The following ADGRL1 variants were observed in gnomAD, a reference collection of about 807,000 sequenced individuals.
The protein encoded by ADGRL1 is adhesion G protein-coupled receptor L1, also known as CIRL-1.
Under a neutral mutation model 148.9 loss-of-function variants are expected in ADGRL1, and 31 were observed. The observed-to-expected ratio is 0.21, with a 90% CI of 0.16 to 0.28. ADGRL1 has a LOEUF of 0.28. ADGRL1 is among the 10% of genes least tolerant of loss of function. The pLI is 1.00. For missense variants in ADGRL1, 1,521 were observed against 2,058.8 expected (o/e 0.74, Z 5.05); for synonymous variants, 937 against 900.3 (o/e 1.04, Z -0.73).
intron 1 of ADGRL1, among the ~76,000 whole-genome samples, chr19:14,198,591 A>C (rs892096007): frequency 6.7e-6 from 1 of 149,612 alleles, no homozygotes; most frequent in Non-Finnish European, 1.5e-5. Flanking sequence ...CCTGACGCAA[A>C]CCCCCTACCT....
chr19:14,199,666 G>A (rs1212828550), intron 1 of ADGRL1, among the ~76,000 whole-genome samples: 2 of 152,072 alleles, frequency 1.3e-5, no homozygotes, highest in African/African-American at 4.8e-5. Context: ...CGATCCTCCC[G>A]CCTCATCCTC....
chr19:14,199,945 G>A (rs1972491806), intron 1 of ADGRL1, among the ~76,000 whole-genome samples: 1 of 150,544 alleles, frequency 6.6e-6, no homozygotes, highest in South Asian at 2.1e-4. Context: ...TGTTGGTCAG[G>A]CTGGTCTCGA....
Position 14,180,717 on chromosome 19 carries a change from T to C in ADGRL1, c.70+2816A>G, listed in dbSNP as rs993126727. Among the ~76,000 whole-genome samples, 10 of 151,276 alleles carry C rather than the reference T, an allele frequency of 6.6e-5. No homozygotes were observed. The South Asian group carries it at 2.1e-3, about 32-fold the overall frequency. On this transcript the variant is annotated intron_variant, in intron 2 of 22. Transcript: ENST00000361434. Reference sequence around the variant, plus strand: ...GGCACATACCACCATGCCTGGCTAATTTTTTTTTATTTTTTGTAGTGATGG... The same window carrying C: ...GGCACATACCACCATGCCTGGCTAACTTTTTTTTATTTTTTGTAGTGATGG...
chr19:14,172,900 A>C (rs746577197), intron 3 of ADGRL1, among the ~76,000 whole-genome samples: 1 of 152,190 alleles, frequency 6.6e-6, no homozygotes, highest in Non-Finnish European at 1.5e-5. Flanking sequence ...TTATGTAACA[A>C]TATTTTACTA....
At chr19:14,156,437 G>C (rs1351821676) in intron 16 of ADGRL1, among the ~76,000 whole-genome samples, 2 of 152,054 alleles carry the variant, frequency 1.3e-5, no homozygotes, top group Admixed American at 6.5e-5. Context: ...ACACACACTA[G>C]GGGCTCAAAT....
chr19:14,204,746 C>G (rs866790113), intron 1 of ADGRL1, among the ~76,000 whole-genome samples: 30 of 143,746 alleles, frequency 2.1e-4, no homozygotes, highest in African/African-American at 6.6e-4. Context: ...GAGAGACAGA[C>G]AGAGAGAGAG....
Position 14,160,929 on chromosome 19 carries a change from C to A in ADGRL1, c.1511-233G>T, listed in dbSNP as rs1359937893. Among the ~76,000 whole-genome samples the A allele has an allele frequency of 6.6e-6, 1 of 152,180 alleles. No individual in the cohort carries two copies. The highest frequency in any genetic ancestry group is 1.5e-5 in the Non-Finnish European group (1 of 68,030). On this transcript the variant is annotated intron_variant, in intron 6 of 22. Coordinates refer to ENST00000361434, the MANE Select transcript of ADGRL1 (RefSeq NM_014921.5). This position sits in a 1 kb window ranked among gnomAD's most constrained non-coding sequence, Gnocchi z 5.9. The stretch of plus-strand genomic sequence containing the variant: ...TCTGTCTTTGCCTCCAGAGTTAGAA[C>A]CTTCCAGCAAGGCCCATCTTGAACG...
chr19:14,163,947 T>G (rs956607398), intron 4 of ADGRL1, among the ~76,000 whole-genome samples: 22 of 112,838 alleles, frequency 1.9e-4, no homozygotes, highest in African/African-American at 6.6e-4. Flanking sequence ...CCGGACAGTG[T>G]TTTTTTTTTT....
chr19:14,182,308 C>T (rs149084160), intron 2 of ADGRL1, among the ~76,000 whole-genome samples: 33 of 152,370 alleles, frequency 2.2e-4, no homozygotes, highest in African/African-American at 7.5e-4. Context: ...AGGGTCCATG[C>T]TGGCCGGGGC....
intron 18 of ADGRL1, among the ~76,000 whole-genome samples, chr19:14,153,492 T>G (rs1432905081): frequency 3.4e-5 from 5 of 147,848 alleles, no homozygotes; most frequent in Non-Finnish European, 5.9e-5. Context: ...CTTGGCTCAC[T>G]GCAACCTCCA....
At chr19:14,158,257 C>A in intron 12 of ADGRL1, 81 bp downstream of exon 12, 1 of 1,426,218 alleles carries the variant, frequency 7.0e-7, no homozygotes, top group South Asian at 1.2e-5. Flanking sequence ...TGGAGGTGAG[C>A]ACATGGAGGG....
At chr19:14,156,556 T>C (rs915739343) in intron 16 of ADGRL1, 102 bp downstream of exon 16, 8 of 579,550 alleles carry the variant, frequency 1.4e-5, no homozygotes, top group African/African-American at 4.1e-5. Flanking sequence ...AGAGAGAGTG[T>C]GTGTGTGTGT....
At chr19:14,154,613 T>A (rs1008973773) in intron 18 of ADGRL1, among the ~76,000 whole-genome samples, 57 of 151,374 alleles carry the variant, frequency 3.8e-4, no homozygotes, top group African/African-American at 1.4e-3. Context: ...GTTTTTTTGT[T>A]TGTTTGTTTT....
intron 12 of ADGRL1, 29 bp downstream of exon 12, chr19:14,158,309 C>A: frequency 6.2e-7 from 1 of 1,607,954 alleles, no homozygotes; most frequent in Non-Finnish European, 8.5e-7. Flanking sequence ...CAGGGACCCC[C>A]ATGGAGGGAG....
chr19:14,156,160 G>T lies in ADGRL1; in HGVS notation c.3075C>A (p.Ile1025=). The T allele has an allele frequency of 6.2e-7, 1 of 1,612,818 alleles. No homozygotes were observed. Among genetic ancestry groups the T allele is most frequent in the East Asian group, 2.2e-5 (1 of 44,814 alleles). Residue 1025 remains isoleucine, a synonymous_variant, in exon 17 of 23, where the codon ATC becomes ATA. Transcript: ENST00000361434. The part of the protein sequence containing the change: ...VFLMVTLHKM[I]RSSSVLKPDS... The stretch of plus-strand genomic sequence containing the variant: ...CGGGCTTGAGCACAGATGAGCTTCG[G>T]ATCATCTTGTGCAGGGTCACCATGA...
rs369831937 is a variant in ADGRL1 at position 14,163,356 on chromosome 19, G to A, written c.445C>T (p.His149Tyr). 1 of 1,600,868 alleles carries A rather than the reference G, an allele frequency of 6.2e-7. No individual in the cohort carries two copies. Among genetic ancestry groups the A allele is most frequent in the East Asian group, 2.3e-5 (1 of 44,248 alleles). Residue 149 changes from histidine (H) to tyrosine (Y), a missense_variant, in exon 5 of 23, where the codon CAC becomes TAC. By Grantham distance (83) the His-to-Tyr change is moderately conservative (BLOSUM62 2). Transcript: ENST00000361434. Reference sequence around the variant, plus strand: ...GCGCCAGACTGGTGCTCTGACTCGTGTGTCGAGGTGGGCTCCAGCACCTTC... The same window carrying A: ...GCGCCAGACTGGTGCTCTGACTCGTATGTCGAGGTGGGCTCCAGCACCTTC... ...LQKVLEPTST[H>Y]ESEHQSGAWC...
Position 14,157,524 on chromosome 19 carries a change from G to C in ADGRL1, c.2536-64C>G. ...TTTTGCACGCTGGGCTCAGCCAGGT[G>C]CCAGCCACAGACAGGGCCCTGGGCA... On this transcript the variant is annotated intron_variant, in intron 13 of 22. Coordinates refer to ENST00000361434, the MANE Select transcript of ADGRL1 (RefSeq NM_014921.5). The surrounding 1 kb of genome is among the most constrained non-coding windows in gnomAD (Gnocchi z 7.5). 3 of 1,525,850 alleles carry C rather than the reference G, an allele frequency of 2.0e-6. No individual in the cohort carries two copies. The highest frequency in any genetic ancestry group is 1.8e-6 in the Non-Finnish European group (2 of 1,106,142). 94.5% of individuals were successfully genotyped at this position (1,525,850 alleles called of 1,614,324 possible). A position where few individuals can be genotyped will look rare whatever the true frequency, so the allele number is the denominator to read the frequency against.
chr19:14,162,987 G>A lies in ADGRL1; in HGVS notation c.814C>T (p.Leu272=), dbSNP rs1969557414. The A allele has an allele frequency of 3.1e-6, 5 of 1,613,948 alleles. No homozygotes were observed. Among genetic ancestry groups the A allele is most frequent in the Non-Finnish European group, 3.4e-6 (4 of 1,179,980 alleles). ...CCCTCAGTGGCGTAGATGACCCACAGCCCGTTCTCGTCCACCGCCAGGTCA... is the reference window on the plus strand; with the variant it reads ...CCCTCAGTGGCGTAGATGACCCACAACCCGTTCTCGTCCACCGCCAGGTCA... ...DIDLAVDENG[L]WVIYATEGNN... is the part of the protein sequence containing the mutation. Residue 272 remains leucine, a synonymous_variant, in exon 5 of 23, where the codon CTG becomes TTG. Transcript: ENST00000361434. The surrounding 1 kb of genome is among the most constrained non-coding windows in gnomAD (Gnocchi z 5.4).
chr19:14,149,574 C>CG lies in ADGRL1; in HGVS notation c.*1298dup, dbSNP rs1323929164. 4 of 152,642 alleles carry CG rather than the reference C, an allele frequency of 2.6e-5. No homozygotes were observed. The highest frequency in any genetic ancestry group is 6.5e-5 in the Admixed American group (1 of 15,274). 9.5% of individuals were successfully genotyped at this position (152,642 alleles called of 1,614,324 possible). On this transcript the variant is annotated 3_prime_UTR_variant, in exon 23 of 23. Coordinates refer to ENST00000361434, the MANE Select transcript of ADGRL1 (RefSeq NM_014921.5). Reference sequence around the variant, plus strand: ...TCTTTGGGTGTGAAGAGGTCTCCCCCGGGCCGGTGGGGAGGGAAGGGGGAG... The same window carrying CG: ...TCTTTGGGTGTGAAGAGGTCTCCCCCGGGGCCGGTGGGGAGGGAAGGGGGAG...
Sources: gnomAD v4.1 joint callset for allele counts (sites outside exome capture counted in the v4.1 genomes callset) on GRCh38, gnomAD v4.1.1 for gene constraint, Gnocchi (gnomAD v3.1) non-coding constraint, MANE v1.5 for transcripts, NCBI Gene and HGNC (gene_info 2026-07-23, HGNC 2026-07-21) for gene names.